Variants in ELMOD2 observed in about 807,000 individuals in gnomAD.
The protein encoded by ELMOD2 is ELMO domain containing 2.
Under a neutral mutation model 41.0 loss-of-function variants are expected in ELMOD2, and 28 were observed. The ratio of observed to expected loss-of-function variants is 0.68; its 90% confidence interval spans 0.51 to 0.94. The LOEUF (loss-of-function observed/expected upper bound fraction) is 0.94. ELMOD2 is among the 40% of genes least tolerant of loss of function. ELMOD2 has a pLI of 0.00. For missense variants in ELMOD2, 333 were observed against 343.1 expected, an observed-to-expected ratio of 0.97 and a Z score of 0.23; for synonymous variants, 106 against 107.2, an observed-to-expected ratio of 0.99 and a Z score of 0.07.
chr4:140,544,354 C>T (rs772635249), intron 8 of ELMOD2, among the ~76,000 whole-genome samples: 1 of 152,118 alleles, frequency 6.6e-6, no homozygotes, highest in African/African-American at 2.4e-5. Context: ...TTCTTACACC[C>T]TAATTCCAGT....
At position 140,550,133 on chromosome 4, in the gene ELMOD2, G is replaced by A. The variant is rs936864508; in HGVS notation, c.737-97G>A. 7.6e-5 allele frequency: 78 copies of A among 1,025,816 alleles called. 1 individual carries two copies. The South Asian group carries it at 1.1e-3, about 15-fold the overall frequency. 63.5% of individuals were successfully genotyped at this position (1,025,816 alleles called of 1,614,324 possible). On this transcript the variant is annotated intron_variant, in intron 8 of 8. Coordinates refer to ENST00000323570, the MANE Select transcript of ELMOD2 (RefSeq NM_153702.4). ...ACTTTTGATTATTGTATTCTAATAT[G>A]GAATTTAAAGGATGGTTATATACTT...
chr4:140,536,812 CAAAGGCA>C (rs1734943631), intron 4 of ELMOD2, among the ~76,000 whole-genome samples: 1 of 152,088 alleles, frequency 6.6e-6, no homozygotes, highest in Non-Finnish European at 1.5e-5. Flanking sequence ...TAAGAAATGA[CAAAGGCA>C]TAAATACAGT....
At chr4:140,542,520 A>G (rs559567069) in intron 6 of ELMOD2, 54 bp from the exon 7 acceptor site, 24 of 1,347,606 alleles carry the variant, frequency 1.8e-5, no homozygotes, top group Non-Finnish European at 2.3e-5. Context: ...GGTTCTGGAT[A>G]TCTTACATTT....
chr4:140,547,359 G>A (rs1735322403), intron 8 of ELMOD2, among the ~76,000 whole-genome samples: 1 of 152,036 alleles, frequency 6.6e-6, no homozygotes, highest in African/African-American at 2.4e-5. Flanking sequence ...TTGTCATCTT[G>A]TACGTCCAAA....
intron 6 of ELMOD2, among the ~76,000 whole-genome samples, chr4:140,542,037 G>C (rs1171825831): frequency 6.6e-6 from 1 of 151,952 alleles, no homozygotes; most frequent in Non-Finnish European, 1.5e-5. Flanking sequence ...CAAATAGATA[G>C]TTTCATATAC....
intron 7 of ELMOD2, 132 bp downstream of exon 7, chr4:140,542,774 CAT>C (rs1471016440): frequency 1.6e-6 from 1 of 623,172 alleles, no homozygotes; most frequent in Non-Finnish European, 2.5e-6. Flanking sequence ...AAGGATATTA[CAT>C]GATACATTAT....
At chr4:140,532,317 C>A (rs970580122) in intron 3 of ELMOD2, among the ~76,000 whole-genome samples, 1 of 152,004 alleles carries the variant, frequency 6.6e-6, no homozygotes, top group Non-Finnish European at 1.5e-5. Flanking sequence ...CAGGTGCACA[C>A]CACCATGCCT....
At position 140,553,084 on chromosome 4, in the gene ELMOD2, A is replaced by G. The variant is rs765670419; in HGVS notation, c.*2709A>G. ...GTATGTATTTTTTCTACGTGAAAATATATGTACTCTTCACTTTTGTTCCAG... is the reference window on the plus strand; with the variant it reads ...GTATGTATTTTTTCTACGTGAAAATGTATGTACTCTTCACTTTTGTTCCAG... On this transcript the variant is annotated 3_prime_UTR_variant, in exon 9 of 9. Transcript: ENST00000323570. 5 of 152,162 alleles carry G rather than the reference A, an allele frequency of 3.3e-5. No homozygotes were observed. Among genetic ancestry groups the G allele is most frequent in the Non-Finnish European group, 7.4e-5 (5 of 68,008 alleles). The allele number at this position is 152,162 out of a possible 1,614,324, so 9.4% of individuals were successfully genotyped here.
intron 8 of ELMOD2, among the ~76,000 whole-genome samples, chr4:140,544,683 G>A (rs1293504492): frequency 1.3e-5 from 2 of 151,986 alleles, no homozygotes; most frequent in Non-Finnish European, 2.9e-5. Flanking sequence ...CTATAGTGGA[G>A]GCATCCCAGT....
chr4:140,543,702 C>A, intron 8 of ELMOD2, 116 bp downstream of exon 8: 1 of 823,250 alleles, frequency 1.2e-6, no homozygotes, highest in South Asian at 3.8e-5. Context: ...TTATGTTTAT[C>A]ATTTTATTAC....
At position 140,553,426 on chromosome 4, in the gene ELMOD2, A is replaced by G. The variant is rs1051135514; in HGVS notation, c.*3051A>G. On this transcript the variant is annotated 3_prime_UTR_variant, in exon 9 of 9. Coordinates refer to ENST00000323570, the MANE Select transcript of ELMOD2 (RefSeq NM_153702.4). ...TTCATATTTATACACCTCTCTACAAAAGCAATTTTTAATGAAGGTTAGTGG... is the reference window on the plus strand; with the variant it reads ...TTCATATTTATACACCTCTCTACAAGAGCAATTTTTAATGAAGGTTAGTGG... 6.6e-6 allele frequency: 1 copy of G among 152,146 alleles called. No individual in the cohort carries two copies. Among genetic ancestry groups the G allele is most frequent in the African/African-American group, 2.4e-5 (1 of 41,438 alleles). 9.4% of individuals were successfully genotyped at this position (152,146 alleles called of 1,614,324 possible).
rs1735489732 is a variant in ELMOD2, at chr4:140,552,312, T to A, written c.*1937T>A. 6.6e-6 allele frequency: 1 copy of A among 152,096 alleles called. No individual in the cohort carries two copies. Among genetic ancestry groups the A allele is most frequent in the Non-Finnish European group, 1.5e-5 (1 of 67,926 alleles). 9.4% of individuals were successfully genotyped at this position (152,096 alleles called of 1,614,324 possible). A position where few individuals can be genotyped will look rare whatever the true frequency, so the allele number is the denominator to read the frequency against. On this transcript the variant is annotated 3_prime_UTR_variant, in exon 9 of 9. Transcript: ENST00000323570. Reference sequence around the variant, plus strand: ...TCCCTTCTAGGAAGAAAAACTATGATGATGTTAAGAAAATGTCATTATAGA... The same window carrying A: ...TCCCTTCTAGGAAGAAAAACTATGAAGATGTTAAGAAAATGTCATTATAGA...
intron 8 of ELMOD2, among the ~76,000 whole-genome samples, chr4:140,547,372 G>GCCA (rs1735323293): frequency 2.6e-5 from 4 of 152,220 alleles, no homozygotes; most frequent in Admixed American, 6.5e-5. Context: ...CGTCCAAACT[G>GCCA]TGAGCAGCTA....
chr4:140,532,358 G>T lies in ELMOD2; in HGVS notation c.172-3375G>T, dbSNP rs188185795. Among the ~76,000 whole-genome samples, 480 of 151,978 alleles carry T rather than the reference G, an allele frequency of 3.2e-3. 4 individuals are homozygous for T. Among genetic ancestry groups the T allele is most frequent in the Non-Finnish European group, 5.5e-3 (376 of 67,960 alleles). The stretch of plus-strand genomic sequence containing the variant: ...ATTTTTGTATTTTTAATAGAGACAG[G>T]GTTTTACCATGTTTCCCAGGCTGGT... On this transcript the variant is annotated intron_variant, in intron 3 of 8. Transcript: ENST00000323570.
At chr4:140,549,942 C>G (rs954690158) in intron 8 of ELMOD2, among the ~76,000 whole-genome samples, 2 of 152,050 alleles carry the variant, frequency 1.3e-5, no homozygotes, top group African/African-American at 2.4e-5. Flanking sequence ...CCACCTAAGT[C>G]TCTGAAAGTG....
At chr4:140,535,236 T>A (rs1296045751) in intron 3 of ELMOD2, among the ~76,000 whole-genome samples, 1 of 152,030 alleles carries the variant, frequency 6.6e-6, no homozygotes, top group Non-Finnish European at 1.5e-5. Context: ...ATTTTTGATT[T>A]GAAGTCTTAG....
At position 140,533,827 on chromosome 4, in the gene ELMOD2, CGT is replaced by C. The variant is rs143456040; in HGVS notation, c.172-1891_172-1890del. Reference sequence around the variant, plus strand: ...GTCACATGACAAAAGTGTATATATACGTGTGTGTGTGTGTGTATGTATACACA... The same window carrying C: ...GTCACATGACAAAAGTGTATATATACGTGTGTGTGTGTGTATGTATACACA... On this transcript the variant is annotated intron_variant, in intron 3 of 8. Transcript: ENST00000323570. 2.1e-3 allele frequency among the ~76,000 whole-genome samples: 314 copies of C among 150,614 alleles called. 1 individual carries two copies. The highest frequency in any genetic ancestry group is 3.7e-3 in the Non-Finnish European group (250 of 67,488).
At chr4:140,540,580 C>T (rs1235518091) in intron 6 of ELMOD2, among the ~76,000 whole-genome samples, 1 of 151,734 alleles carries the variant, frequency 6.6e-6, no homozygotes, top group Non-Finnish European at 1.5e-5. Flanking sequence ...ATAGTGAGAC[C>T]CTGTCTCTAC....
At chr4:140,542,545 T>G (rs1735139690) in intron 6 of ELMOD2, 29 bp from the exon 7 acceptor site, 1 of 1,520,540 alleles carries the variant, frequency 6.6e-7, no homozygotes, top group Non-Finnish European at 9.0e-7. Context: ...GGCGTACATT[T>G]GTTTGATTAT....
Sources: gnomAD v4.1 joint callset for allele counts (sites outside exome capture counted in the v4.1 genomes callset) on GRCh38, gnomAD v4.1.1 for gene constraint, MANE v1.5 for transcripts, NCBI Gene and HGNC (gene_info 2026-07-23, HGNC 2026-07-21) for gene names.